The following RPS6KA4 variants were observed in gnomAD, a reference collection of about 807,000 sequenced individuals.
The protein encoded by RPS6KA4 is ribosomal protein S6 kinase alpha-4.
RPS6KA4 carries 38 observed loss-of-function variants against 89.6 expected under a neutral mutation model. The observed-to-expected ratio is 0.42, with a 90% confidence interval of 0.33 to 0.56. The LOEUF (loss-of-function observed/expected upper bound fraction) is 0.56, where lower values mean the gene tolerates loss of function less well. Among genes scored for constraint, RPS6KA4 ranks in the 20% least tolerant of loss-of-function variants. The pLI is 0.07. For missense variants in RPS6KA4, 873 were observed against 1,098.8 expected, an observed-to-expected ratio of 0.79 and a Z score of 2.90; for synonymous variants, 495 against 492.8, an observed-to-expected ratio of 1.00 and a Z score of -0.06.
At position 64,370,256 on chromosome 11, in the gene RPS6KA4, A is replaced by G. The variant is rs2037022990; in HGVS notation, c.1829A>G (p.Gln610Arg). Residue 610 changes from glutamine (Q) to arginine (R), a missense_variant, in exon 15 of 17, where the codon CAG becomes CGG. Physicochemically the swap from Gln to Arg is conservative, Grantham distance 43. Transcript: ENST00000334205. This position sits in a 1 kb window ranked among gnomAD's most constrained non-coding sequence, Gnocchi z 4.1. ...ATGCTGTCGGGGCAGGTCCCCTTCC[A>G]GGGGGCCTCTGGCCAGGGCGGGCAG... ...YMMLSGQVPF[Q>R]GASGQGGQSQ... 6.4e-7 allele frequency: 1 copy of G among 1,573,512 alleles called. No homozygotes were observed. The highest frequency in any genetic ancestry group is 8.6e-7 in the Non-Finnish European group (1 of 1,167,360).
At chr11:64,360,871 C>T (rs1287409666) in intron 4 of RPS6KA4, 1 of 574,716 alleles carries the variant, frequency 1.7e-6, no homozygotes, top group East Asian at 2.9e-5. Context: ...ACCTCACGGC[C>T]TGGCTCCTAA....
chr11:64,361,709 T>C lies in RPS6KA4; in HGVS notation c.719T>C (p.Leu240Pro). The C allele has an allele frequency of 6.2e-7, 1 of 1,608,930 alleles. No homozygotes were observed. The highest frequency in any genetic ancestry group is 1.1e-5 in the South Asian group (1 of 90,890). Reference protein sequence around the residue: ...ELLTGASPFTLEGERNTQAEV... With the variant: ...ELLTGASPFTPEGERNTQAEV... Reference sequence around the variant, plus strand: ...CTGACGGGGGCCTCGCCCTTCACCCTGGAGGGCGAGAGGAACACGCAGGCT... The same window carrying C: ...CTGACGGGGGCCTCGCCCTTCACCCCGGAGGGCGAGAGGAACACGCAGGCT... The change falls in exon 7 of 17, where the codon CTG becomes CCG. Residue 240 changes from leucine to proline, a missense_variant. Physicochemically the swap from Leu to Pro is moderately conservative, Grantham distance 98 (BLOSUM62 -3). This residue lies in a region of RPS6KA4 where 542 missense variants were observed against 736.4 expected (regional missense o/e 0.74). Transcript: ENST00000334205. The surrounding 1 kb of genome is among the most constrained non-coding windows in gnomAD (Gnocchi z 4.7).
intron 2 of RPS6KA4, 89 bp from the exon 3 acceptor site, chr11:64,360,074 C>T: frequency 7.9e-7 from 1 of 1,258,446 alleles, no homozygotes. Context: ...CATTTGCACA[C>T]CCTCCTGGGT....
chr11:64,369,470 C>G lies in RPS6KA4; in HGVS notation c.1453C>G (p.Leu485Val). 1 of 1,608,226 alleles carries G rather than the reference C, an allele frequency of 6.2e-7. No homozygotes were observed. Among genetic ancestry groups the G allele is most frequent in the East Asian group, 2.2e-5 (1 of 44,778 alleles). ...DQLHTYLVLE[L>V]LRGGELLEHI... ...GCTGCACACGTACCTGGTCCTGGAGCTGCTGCGGGGCGGGGAGCTGCTGGA... is the reference window on the plus strand; with the variant it reads ...GCTGCACACGTACCTGGTCCTGGAGGTGCTGCGGGGCGGGGAGCTGCTGGA... The change falls in exon 13 of 17, where the codon CTG (leucine) becomes GTG (valine). Residue 485 changes from leucine to valine, a missense_variant. By Grantham distance (32) the Leu-to-Val change is conservative (BLOSUM62 1). This residue lies in a region of RPS6KA4 where 542 missense variants were observed against 736.4 expected (regional missense o/e 0.74). Coordinates refer to ENST00000334205, the MANE Select transcript of RPS6KA4 (RefSeq NM_003942.3).
At position 64,361,991 on chromosome 11, in the gene RPS6KA4, C is replaced by T; in HGVS notation, c.895C>T (p.Pro299Ser). The part of the protein sequence containing the change: ...PQGAQEVRNH[P>S]FFQGLDWVAL... Reference sequence around the variant, plus strand: ...GGGGGCACAAGAAGTCCGGAACCATCCCTTCTTCCAGGTGAGGCTGACTCA... The same window carrying T: ...GGGGGCACAAGAAGTCCGGAACCATTCCTTCTTCCAGGTGAGGCTGACTCA... The change falls in exon 8 of 17, where the codon CCC (proline) becomes TCC (serine). Residue 299 changes from proline to serine, a missense_variant. Around this residue, in one of 4 missense-constraint regions of RPS6KA4, gnomAD observed 542 missense variants for 736.4 expected, o/e 0.74. Transcript: ENST00000334205. The surrounding 1 kb of genome is among the most constrained non-coding windows in gnomAD (Gnocchi z 4.7). 1 of 1,609,384 alleles carries T rather than the reference C, an allele frequency of 6.2e-7. No homozygotes were observed. Among genetic ancestry groups the T allele is most frequent in the Non-Finnish European group, 8.5e-7 (1 of 1,178,612 alleles).
chr11:64,359,299 G>A lies in RPS6KA4; in HGVS notation c.55+9G>A. 1 of 1,594,936 alleles carries A rather than the reference G, an allele frequency of 6.3e-7. No homozygotes were observed. The highest frequency in any genetic ancestry group is 8.5e-7 in the Non-Finnish European group (1 of 1,170,380). The stretch of plus-strand genomic sequence containing the variant: ...GCTGCGGATCACAGAAGGTGGGTGT[G>A]GGGCCTGACTGCGGCTGCCCGGGGC... On this transcript the variant is annotated intron_variant, in intron 1 of 16. Coordinates refer to ENST00000334205, the MANE Select transcript of RPS6KA4 (RefSeq NM_003942.3).
chr11:64,369,954 TGCAGCA>T (rs1352904774), intron 14 of RPS6KA4, 61 bp downstream of exon 14: 2 of 1,430,472 alleles, frequency 1.4e-6, no homozygotes, highest in African/African-American at 2.9e-5. Context: ...CTTCCTGATG[TGCAGCA>T]GCACGAGGGA....
At position 64,360,330 on chromosome 11, in the gene RPS6KA4, G is replaced by A. The variant is rs1442820168; in HGVS notation, c.295G>A (p.Val99Ile). Residue 99 changes from valine (V) to isoleucine (I), a missense_variant, in exon 3 of 17, where the codon GTC (valine) becomes ATC (isoleucine). Transcript: ENST00000334205. Reference sequence around the variant, plus strand: ...GCTGGTGCGCCAGGCGCCCTTCCTGGTCACGCTGCACTACGCTTTCCAGAC... The same window carrying A: ...GCTGGTGCGCCAGGCGCCCTTCCTGATCACGCTGCACTACGCTTTCCAGAC... ...LELVRQAPFL[V>I]TLHYAFQTDA... 1 of 1,549,618 alleles carries A rather than the reference G, an allele frequency of 6.5e-7. No individual in the cohort carries two copies. Among genetic ancestry groups the A allele is most frequent in the African/African-American group, 1.4e-5 (1 of 73,122 alleles).
At chr11:64,362,803 TG>T (rs1321014269) in intron 8 of RPS6KA4, among the ~76,000 whole-genome samples, 6 of 152,200 alleles carry the variant, frequency 3.9e-5, no homozygotes, top group African/African-American at 1.4e-4. Flanking sequence ...CCCAAGTAGC[TG>T]GGATTACAGG....
chr11:64,369,658 G>T (rs771741576), intron 13 of RPS6KA4, 39 bp downstream of exon 13: 2 of 1,599,448 alleles, frequency 1.3e-6, no homozygotes, highest in Non-Finnish European at 1.7e-6. Flanking sequence ...GAGCGGTGGC[G>T]CCGGGGGCTG....
At position 64,360,287 on chromosome 11, in the gene RPS6KA4, C is replaced by T. The variant is rs1217594182; in HGVS notation, c.252C>T (p.Thr84=). 3.9e-6 allele frequency: 6 copies of T among 1,547,496 alleles called. No individual in the cohort carries two copies. The Admixed American group carries it at 9.8e-5, about 25-fold the overall frequency. ...CCAAGACGCAAGAGCACACGCGCAC[C>T]GAGCGCTCGGTGCTGGAGCTGGTGC... ...QRAKTQEHTR[T]ERSVLELVRQ... The change falls in exon 3 of 17, where the codon ACC becomes ACT. Residue 84 remains threonine, a synonymous_variant. Transcript: ENST00000334205.
chr11:64,362,811 C>T (rs893378581), intron 8 of RPS6KA4, among the ~76,000 whole-genome samples: 4 of 152,216 alleles, frequency 2.6e-5, no homozygotes, highest in African/African-American at 7.2e-5. Context: ...GCTGGGATTA[C>T]AGGCACAGGC....
intron 2 of RPS6KA4, chr11:64,359,828 C>T (rs1384235388): frequency 1.8e-6 from 1 of 542,930 alleles, no homozygotes; most frequent in Non-Finnish European, 3.3e-6. Context: ...AGGTGCACAC[C>T]TCTGCCTCCC....
intron 11 of RPS6KA4, 28 bp downstream of exon 11, chr11:64,368,629 TG>T: frequency 1.3e-6 from 2 of 1,519,342 alleles, no homozygotes; most frequent in Middle Eastern, 1.9e-4. Context: ...CGGGCAGGGG[TG>T]GGGGTGGCAG....
rs760342404 is a variant in RPS6KA4, at chr11:64,368,273, G to A, written c.1200+13G>A. 6.2e-7 allele frequency: 1 copy of A among 1,612,422 alleles called. No individual in the cohort carries two copies. The highest frequency in any genetic ancestry group is 1.1e-5 in the South Asian group (1 of 91,022). On this transcript the variant is annotated intron_variant, in intron 10 of 16. Coordinates refer to ENST00000334205, the MANE Select transcript of RPS6KA4 (RefSeq NM_003942.3). ...CGCTATGATGCAGGTGGGCTGGGCT[G>A]GGCTGGGTTGGGGGGAAATTGGTTT...
In RPS6KA4 at chr11:64,361,570, G is replaced by A; in HGVS notation, c.651+21G>A. 6.2e-7 allele frequency: 1 copy of A among 1,613,974 alleles called. No individual in the cohort carries two copies. Among genetic ancestry groups the A allele is most frequent in the South Asian group, 1.1e-5 (1 of 91,082 alleles). On this transcript the variant is annotated intron_variant, in intron 6 of 16. Coordinates refer to ENST00000334205, the MANE Select transcript of RPS6KA4 (RefSeq NM_003942.3). The surrounding 1 kb of genome is among the most constrained non-coding windows in gnomAD (Gnocchi z 4.7). The stretch of plus-strand genomic sequence containing the variant: ...GCAAGGTAGGTTGGCAGGGAAGTGG[G>A]GCTGGGGGAGGTGGAAAGGTGGGGT...
rs1299583149 is a variant in RPS6KA4, at chr11:64,361,824, G to A, written c.756-28G>A. 2 of 1,585,820 alleles carry A rather than the reference G, an allele frequency of 1.3e-6. No individual in the cohort carries two copies. On this transcript the variant is annotated intron_variant, in intron 7 of 16. Transcript: ENST00000334205. This position sits in a 1 kb window ranked among gnomAD's most constrained non-coding sequence, Gnocchi z 4.7. ...CAGGGCTGTGGGTGGGGGGCTTGCT[G>A]CCCCTGACACCCCCCCAATCCTCCC...
rs2036965381 is a variant in RPS6KA4 at position 64,368,792 on chromosome 11, G to C, written c.1423G>C (p.Asp475His). ...GGTGAATCTGCACGAGGTGCATCAC[G>C]ACCAGGTGATGGCTTCCGGCCAGGG... ...NVVNLHEVHH[D>H]QLHTYLVLEL... Residue 475 changes from aspartate to histidine, a missense_variant, in exon 12 of 17, where the codon GAC becomes CAC. This residue lies in a region of RPS6KA4 where 542 missense variants were observed against 736.4 expected (regional missense o/e 0.74). Coordinates refer to ENST00000334205, the MANE Select transcript of RPS6KA4 (RefSeq NM_003942.3). 1 of 1,564,742 alleles carries C rather than the reference G, an allele frequency of 6.4e-7. No homozygotes were observed. Among genetic ancestry groups the C allele is most frequent in the Admixed American group, 1.9e-5 (1 of 53,114 alleles).
chr11:64,370,409 A>G lies in RPS6KA4; in HGVS notation c.1957+25A>G, dbSNP rs374385890. On this transcript the variant is annotated intron_variant, in intron 15 of 16. Coordinates refer to ENST00000334205, the MANE Select transcript of RPS6KA4 (RefSeq NM_003942.3). The surrounding 1 kb of genome is among the most constrained non-coding windows in gnomAD (Gnocchi z 4.1). ...GGTGCGGAGCTGGAGGTCATAGACC[A>G]TGGTTGGGGAGGGGGACGCTGGGAC... is the stretch of plus-strand genomic sequence containing the variant. 4.3e-5 allele frequency: 69 copies of G among 1,608,274 alleles called. No homozygotes were observed. Among genetic ancestry groups the G allele is most frequent in the Non-Finnish European group, 5.5e-5 (65 of 1,178,174 alleles).
Sources: allele counts gnomAD v4.1 joint callset (sites outside exome capture counted in the v4.1 genomes callset), GRCh38; gene constraint gnomAD v4.1.1; regional missense constraint gnomAD v4.1.1; non-coding constraint Gnocchi (gnomAD v3.1); transcripts MANE v1.5; gene names NCBI Gene and HGNC (gene_info 2026-07-23, HGNC 2026-07-21).